Variants in AKAP6 observed in about 807,000 individuals in gnomAD.
The protein encoded by AKAP6 is A-kinase anchor protein 6.
Under a neutral mutation model 188.5 loss-of-function variants are expected in AKAP6, and 58 were observed. The observed-to-expected ratio is 0.31, with a 90% confidence interval of 0.25 to 0.38. The LOEUF (loss-of-function observed/expected upper bound fraction) is 0.38. AKAP6 is among the 10% of genes least tolerant of loss of function. The pLI is 1.00. For synonymous variants in AKAP6, 989 were observed against 998.6 expected, an observed-to-expected ratio of 0.99 and a Z score of 0.18; for missense variants, 2,710 against 2,740.0, an observed-to-expected ratio of 0.99 and a Z score of 0.24.
chr14:32,581,590 G>A (rs1355510751), intron 5 of AKAP6, among the ~76,000 whole-genome samples: 1 of 152,104 alleles, frequency 6.6e-6, no homozygotes, highest in African/African-American at 2.4e-5. Context: ...TGTTGACAGT[G>A]GGTTGTTAAA....
chr14:32,366,670 T>C (rs745999178), intron 1 of AKAP6, among the ~76,000 whole-genome samples: 4 of 152,182 alleles, frequency 2.6e-5, no homozygotes, highest in Admixed American at 6.5e-5. Context: ...TTTCTCTCTT[T>C]ATATTTGGAT....
At chr14:32,470,607 C>T (rs1336809410) in intron 2 of AKAP6, among the ~76,000 whole-genome samples, 1 of 152,126 alleles carries the variant, frequency 6.6e-6, no homozygotes, top group African/African-American at 2.4e-5. Context: ...AGGAAAACTG[C>T]CAGCTCTGAA....
chr14:32,694,721 T>C (rs1409092596), intron 8 of AKAP6, among the ~76,000 whole-genome samples: 2 of 144,100 alleles, frequency 1.4e-5, no homozygotes, highest in Non-Finnish European at 3.1e-5. Context: ...CTAGATCTAT[T>C]CCCCCCCACC....
At chr14:32,371,683 G>A (rs1334975413) in intron 1 of AKAP6, among the ~76,000 whole-genome samples, 1 of 152,174 alleles carries the variant, frequency 6.6e-6, no homozygotes. Flanking sequence ...AAATAGGTGA[G>A]AAAAGCTTCA....
intron 2 of AKAP6, among the ~76,000 whole-genome samples, chr14:32,490,658 G>A (rs1879963121): frequency 1.3e-5 from 2 of 152,248 alleles, no homozygotes; most frequent in South Asian, 2.1e-4. Context: ...CACTGAAAAT[G>A]GCTAGAAGTT....
rs571263456 is a variant in AKAP6, at chr14:32,514,603, C to T, written c.325-20951C>T. ...AATTAACCTGTAAGATCCTTTATAC[C>T]TTGAAACGCTCCAGAATTTCAATGG... On this transcript the variant is annotated intron_variant, in intron 2 of 13. Coordinates refer to ENST00000280979, the MANE Select transcript of AKAP6 (RefSeq NM_004274.5). Among the ~76,000 whole-genome samples the T allele has an allele frequency of 6.6e-5, 10 of 152,250 alleles. No individual in the cohort carries two copies. The South Asian group carries it at 2.1e-3, about 32-fold the overall frequency.
At chr14:32,665,024 G>T (rs1357828296) in intron 7 of AKAP6, among the ~76,000 whole-genome samples, 1 of 152,076 alleles carries the variant, frequency 6.6e-6, no homozygotes, top group Non-Finnish European at 1.5e-5. Flanking sequence ...TCTGTGTTAA[G>T]ATATGTGTAG....
intron 1 of AKAP6, among the ~76,000 whole-genome samples, chr14:32,378,127 T>C (rs1275566527): frequency 6.6e-6 from 1 of 152,194 alleles, no homozygotes; most frequent in Non-Finnish European, 1.5e-5. Flanking sequence ...CATTATGGTA[T>C]GTAATTAAAA....
At chr14:32,758,593 C>T (rs139670934) in intron 11 of AKAP6, among the ~76,000 whole-genome samples, 2,172 of 152,026 alleles carry the variant, frequency 0.014, 47 homozygotes, top group African/African-American at 0.049. Flanking sequence ...ATTATCCAGG[C>T]GTGGTGGCAC....
chr14:32,757,816 A>C (rs571131648), intron 11 of AKAP6, among the ~76,000 whole-genome samples: 9 of 152,320 alleles, frequency 5.9e-5, no homozygotes, highest in Admixed American at 1.3e-4. Context: ...TGCACAAGAC[A>C]TTCCTGGGAG....
chr14:32,660,068 G>A (rs7157982), intron 7 of AKAP6, among the ~76,000 whole-genome samples: 10,481 of 152,192 alleles, frequency 0.069, 1,194 homozygotes, highest in African/African-American at 0.24. Flanking sequence ...GTTAGCTGTT[G>A]TCTTAATGGC....
chr14:32,828,973 G>C (rs550045254), intron 13 of AKAP6, among the ~76,000 whole-genome samples: 2 of 152,158 alleles, frequency 1.3e-5, no homozygotes, highest in Non-Finnish European at 2.9e-5. Context: ...ATTCGTTCTT[G>C]AAGGACAGTA....
intron 1 of AKAP6, among the ~76,000 whole-genome samples, chr14:32,382,929 T>G (rs755489805): frequency 1.1e-4 from 16 of 152,054 alleles, no homozygotes; most frequent in Non-Finnish European, 2.4e-4. Context: ...ACCATTGGTA[T>G]CTCCACCAGC....
chr14:32,382,054 T>A (rs1888380081), intron 1 of AKAP6, among the ~76,000 whole-genome samples: 1 of 152,214 alleles, frequency 6.6e-6, no homozygotes, highest in South Asian at 2.1e-4. Context: ...TCAGTAATCT[T>A]ATCTGTGAAA....
chr14:32,782,195 G>C (rs556475861), intron 12 of AKAP6, among the ~76,000 whole-genome samples: 1 of 138,246 alleles, frequency 7.2e-6, no homozygotes, highest in South Asian at 2.6e-4. Flanking sequence ...GGGAGGGAGG[G>C]AGGGAGGGAG....
chr14:32,427,143 C>G (rs952176839), intron 1 of AKAP6, among the ~76,000 whole-genome samples: 1 of 152,070 alleles, frequency 6.6e-6, no homozygotes, highest in Non-Finnish European at 1.5e-5. Flanking sequence ...TGCTGTTTCC[C>G]CCCTGGGGCA....
At chr14:32,753,991 AT>A (rs2032238815) in intron 11 of AKAP6, among the ~76,000 whole-genome samples, 4 of 151,836 alleles carry the variant, frequency 2.6e-5, no homozygotes, top group Admixed American at 1.3e-4. Flanking sequence ...GCTTAATATT[AT>A]TTTGGCTCTA....
chr14:32,705,490 G>A (rs1890776420), intron 9 of AKAP6, among the ~76,000 whole-genome samples: 1 of 152,086 alleles, frequency 6.6e-6, no homozygotes, highest in Admixed American at 6.6e-5. Context: ...GATGGGTGTA[G>A]GATAGAGGGA....
At chr14:32,525,774 G>C (rs2139078695) in intron 2 of AKAP6, among the ~76,000 whole-genome samples, 1 of 152,228 alleles carries the variant, frequency 6.6e-6, no homozygotes. Context: ...CTTTGCATCT[G>C]TATGGCGGTG....
Sources: allele counts gnomAD v4.1 joint callset (sites outside exome capture counted in the v4.1 genomes callset), GRCh38; gene constraint gnomAD v4.1.1; transcripts MANE v1.5; gene names NCBI Gene and HGNC (gene_info 2026-07-23, HGNC 2026-07-21).